The following PCDHA6 variants were observed in gnomAD, a reference collection of about 807,000 sequenced individuals.
PCDHA6 encodes protocadherin alpha 6, also known as protocadherin alpha-6.
PCDHA6 carries 55 observed loss-of-function variants against 60.3 expected under a neutral mutation model. The ratio of observed to expected loss-of-function variants is 0.91; its 90% CI spans 0.73 to 1.14. The LOEUF is 1.14. Ranked by LOEUF, PCDHA6 falls within the 50% of genes most tolerant of loss-of-function variation. The pLI, the probability that PCDHA6 is intolerant of heterozygous loss-of-function variation, is 0.00. For synonymous variants in PCDHA6, 652 were observed against 557.9 expected, an observed-to-expected ratio of 1.17 and a Z score of -2.38; for missense variants, 1,327 against 1,256.5, an observed-to-expected ratio of 1.06 and a Z score of -0.85.
At chr5:140,910,935 C>T (rs192394348) in intron 1 of PCDHA6, among the ~76,000 whole-genome samples, 4 of 152,192 alleles carry the variant, frequency 2.6e-5, no homozygotes, top group African/African-American at 9.6e-5. Context: ...TAAGAAAGCT[C>T]AAGCAGTTCT....
intron 1 of PCDHA6, among the ~76,000 whole-genome samples, chr5:140,938,842 G>T (rs2092225940): frequency 1.3e-5 from 2 of 151,980 alleles, no homozygotes; most frequent in African/African-American, 4.8e-5. Context: ...TAACAAACCT[G>T]CCCATGTACC....
At chr5:140,841,949 T>A in intron 1 of PCDHA6, 2 of 1,613,920 alleles carry the variant, frequency 1.2e-6, no homozygotes, top group Non-Finnish European at 1.7e-6. Context: ...TGCGCACCAC[T>A]TATTCCTGAC....
intron 1 of PCDHA6, among the ~76,000 whole-genome samples, chr5:140,907,450 T>C (rs1235040607): frequency 1.1e-4 from 17 of 152,218 alleles, no homozygotes; most frequent in Non-Finnish European, 2.5e-4. Context: ...CAGATGGTAA[T>C]CTTGGCAGAA....
chr5:140,846,378 T>C (rs1033282132), intron 1 of PCDHA6, among the ~76,000 whole-genome samples: 4 of 135,270 alleles, frequency 3.0e-5, no homozygotes, highest in Middle Eastern at 3.8e-3. Flanking sequence ...TCTTTCTTTT[T>C]TTTTTTTTTT....
chr5:140,876,716 G>C lies in PCDHA6; in HGVS notation c.2394+46231G>C, dbSNP rs374218090. On this transcript the variant is annotated intron_variant, in intron 1 of 3. Coordinates refer to ENST00000529310, the MANE Select transcript of PCDHA6 (RefSeq NM_018909.4). ...TTGGTGCTGGACAGCGCCCTGGACC[G>C]CGAGAGCGTGTCGGCCTATGAGCTG... 135 of 1,614,132 alleles carry C rather than the reference G, an allele frequency of 8.4e-5. No homozygotes were observed. In the Middle Eastern group the frequency reaches 2.5e-3, roughly 29 times the overall value.
chr5:140,893,709 G>T lies in PCDHA6; in HGVS notation c.2394+63224G>T, dbSNP rs141117049. ...ATCTCATTCTATCCTAGCCTGTAAA[G>T]CTTCTGCTGAGAAATCTGCTGTTAG... is the stretch of plus-strand genomic sequence containing the variant. On this transcript the variant is annotated intron_variant, in intron 1 of 3. Transcript: ENST00000529310. 2.6e-3 allele frequency among the ~76,000 whole-genome samples: 396 copies of T among 152,250 alleles called. 2 individuals carry two copies. Among genetic ancestry groups the T allele is most frequent in the African/African-American group, 9.2e-3 (384 of 41,542 alleles).
At chr5:140,991,847 G>A (rs1375292594) in intron 3 of PCDHA6, among the ~76,000 whole-genome samples, 1 of 152,162 alleles carries the variant, frequency 6.6e-6, no homozygotes, top group African/African-American at 2.4e-5. Flanking sequence ...CGCACTTCCA[G>A]ATACCAAAAT....
rs2150412128 is a variant in PCDHA6 at position 140,848,533 on chromosome 5, C to T, written c.2394+18048C>T. 6.3e-6 allele frequency: 10 copies of T among 1,594,958 alleles called. No homozygotes were observed. In the East Asian group the frequency reaches 1.8e-4, roughly 28 times the overall value. On this transcript the variant is annotated intron_variant, in intron 1 of 3. Transcript: ENST00000529310. ...AGTCGAGGAGATCCAGAGGGTCAGC[C>T]TCTACTGCTCTCGCTTCTGATCCTC...
intron 3 of PCDHA6, among the ~76,000 whole-genome samples, chr5:141,004,378 G>C (rs914260481): frequency 6.6e-6 from 1 of 152,316 alleles, no homozygotes; most frequent in South Asian, 2.1e-4. Context: ...TCTGCTCTGC[G>C]GAAGCTGGAC....
In PCDHA6 at chr5:140,829,371, C is replaced by G. The variant is rs1243458912; in HGVS notation, c.1280C>G (p.Ala427Gly). The change falls in exon 1 of 4, where the codon GCG becomes GGG. Residue 427 changes from alanine to glycine, a missense_variant. By Grantham distance (60) the Ala-to-Gly change is moderately conservative. Transcript: ENST00000529310. ...SVSAYELVVT[A>G]RDGGSPSLWA... ...TCGGCCTATGAGTTGGTGGTAACCGCGCGGGACGGGGGCTCGCCTTCGCTG... is the reference window on the plus strand; with the variant it reads ...TCGGCCTATGAGTTGGTGGTAACCGGGCGGGACGGGGGCTCGCCTTCGCTG... The G allele has an allele frequency of 6.2e-7, 1 of 1,614,080 alleles. No homozygotes were observed. Among genetic ancestry groups the G allele is most frequent in the African/African-American group, 1.3e-5 (1 of 74,938 alleles).
Position 140,849,717 on chromosome 5 carries a change from G to C in PCDHA6, c.2394+19232G>C, listed in dbSNP as rs141495063. The C allele has an allele frequency of 1.2e-4, 185 of 1,598,594 alleles. 18 individuals are homozygous for C. In the Middle Eastern group the frequency reaches 1.2e-3, roughly 10 times the overall value. ...CACCTACAAGAATTACTACTCGTTG[G>C]TGCTGGACAGAGCTCTGGACCGCGA... On this transcript the variant is annotated intron_variant, in intron 1 of 3. Coordinates refer to ENST00000529310, the MANE Select transcript of PCDHA6 (RefSeq NM_018909.4).
intron 1 of PCDHA6, among the ~76,000 whole-genome samples, chr5:140,874,815 A>T (rs2055116009): frequency 6.6e-6 from 1 of 152,262 alleles, no homozygotes; most frequent in Non-Finnish European, 1.5e-5. Context: ...AAGACAATTT[A>T]TATAAATGAA....
At chr5:140,894,140 C>T (rs1004427236) in intron 1 of PCDHA6, among the ~76,000 whole-genome samples, 2 of 151,956 alleles carry the variant, frequency 1.3e-5, no homozygotes, top group Admixed American at 6.6e-5. Context: ...GAAATAATTC[C>T]CTTCTATGTA....
chr5:140,856,041 A>T lies in PCDHA6; in HGVS notation c.2394+25556A>T, dbSNP rs797043647. Reference sequence around the variant, plus strand: ...ATTCGTCGATTTGTAAAACAAGAGAAGGATAAGATGGTTTCCAGATGTAGC... The same window carrying T: ...ATTCGTCGATTTGTAAAACAAGAGATGGATAAGATGGTTTCCAGATGTAGC... On this transcript the variant is annotated intron_variant, in intron 1 of 3. Coordinates refer to ENST00000529310, the MANE Select transcript of PCDHA6 (RefSeq NM_018909.4). 1.9e-6 allele frequency: 3 copies of T among 1,569,530 alleles called. No individual in the cohort carries two copies. The African/African-American group carries it at 4.1e-5, about 21-fold the overall frequency.
chr5:140,968,574 T>A (rs2096256536), intron 1 of PCDHA6: 1 of 1,614,218 alleles, frequency 6.2e-7, no homozygotes, highest in Non-Finnish European at 8.5e-7. Flanking sequence ...GCTGGCTACC[T>A]GGTCACCAAA....
chr5:140,921,101 C>T (rs1331761775), intron 1 of PCDHA6, among the ~76,000 whole-genome samples: 3 of 152,002 alleles, frequency 2.0e-5, no homozygotes, highest in African/African-American at 4.8e-5. Context: ...CTGCCTCAGT[C>T]TCCTAAGTAG....
intron 1 of PCDHA6, among the ~76,000 whole-genome samples, chr5:140,832,378 A>G (rs1554133521): frequency 6.6e-6 from 1 of 152,196 alleles, no homozygotes; most frequent in Non-Finnish European, 1.5e-5. Context: ...CCATTCTTGA[A>G]ATGGCAGAAA....
Position 140,857,497 on chromosome 5 carries a change from G to T in PCDHA6, c.2394+27012G>T, listed in dbSNP as rs1473016176. Reference sequence around the variant, plus strand: ...CGGTGTCTGCGTGGGACGCGGACGCGCAGGAGAACGCCCTGGTGTCCTACT... The same window carrying T: ...CGGTGTCTGCGTGGGACGCGGACGCTCAGGAGAACGCCCTGGTGTCCTACT... On this transcript the variant is annotated intron_variant, in intron 1 of 3. Coordinates refer to ENST00000529310, the MANE Select transcript of PCDHA6 (RefSeq NM_018909.4). 10 of 1,598,150 alleles carry T rather than the reference G, an allele frequency of 6.3e-6. 1 individual carries two copies. The highest frequency in any genetic ancestry group is 5.4e-5 in the African/African-American group (4 of 74,450).
intron 1 of PCDHA6, among the ~76,000 whole-genome samples, chr5:140,920,124 G>A (rs1261931835): frequency 2.6e-5 from 4 of 152,152 alleles, no homozygotes; most frequent in African/African-American, 4.8e-5. Flanking sequence ...AACATCTTGA[G>A]TTTTAATTCT....
Sources: allele counts gnomAD v4.1 joint callset (sites outside exome capture counted in the v4.1 genomes callset), GRCh38; gene constraint gnomAD v4.1.1; transcripts MANE v1.5; gene names NCBI Gene and HGNC (gene_info 2026-07-23, HGNC 2026-07-21).